REC8: variants seen among roughly 807,000 people sequenced by gnomAD.
REC8 encodes REC8 meiotic recombination protein.
REC8 carries 42 observed loss-of-function variants against 78.3 expected under a neutral mutation model. The observed-to-expected ratio is 0.54, with a 90% confidence interval of 0.42 to 0.69. The LOEUF (loss-of-function observed/expected upper bound fraction) is 0.69, where lower values mean the gene tolerates loss of function less well. REC8 is among the 30% of genes least tolerant of loss of function. REC8 has a pLI of 0.00. For missense variants in REC8, 581 were observed against 715.8 expected (o/e 0.81, Z 2.15); for synonymous variants, 268 against 274.1 (o/e 0.98, Z 0.22).
At chr14:24,175,736 T>C in intron 6 of REC8, 112 bp downstream of exon 6, 1 of 730,124 alleles carries the variant, frequency 1.4e-6, no homozygotes, top group Non-Finnish European at 2.3e-6. Flanking sequence ...CTTTTTTTTT[T>C]TTTCGAGGCA....
At position 24,172,437 on chromosome 14, in the gene REC8, G is replaced by C. The variant is rs2038708481; in HGVS notation, c.-116G>C. The stretch of plus-strand genomic sequence containing the variant: ...TCTAGGTGCACCCACCTTGCCACCA[G>C]AGAAGTCCAAATCCTGACTTCTCTC... On this transcript the variant is annotated 5_prime_UTR_variant, in exon 1 of 19. Coordinates refer to ENST00000611366, the MANE Select transcript of REC8 (RefSeq NM_001048205.2). 1 of 1,132,190 alleles carries C rather than the reference G, an allele frequency of 8.8e-7. No homozygotes were observed. Among genetic ancestry groups the C allele is most frequent in the Admixed American group, 2.7e-5 (1 of 37,300 alleles). 70.1% of individuals were successfully genotyped at this position (1,132,190 alleles called of 1,614,324 possible).
At chr14:24,180,264 C>A (rs1206666886), downstream of REC8, 6 of 1,543,846 alleles carry the variant, frequency 3.9e-6, no homozygotes, top group East Asian at 2.4e-5. Context: ...AGTATGATGT[C>A]ATGACTCATT....
chr14:24,178,488 A>T, intron 12 of REC8, 118 bp from the exon 13 acceptor site: 1 of 1,092,944 alleles, frequency 9.1e-7, no homozygotes, highest in Non-Finnish European at 1.3e-6. Flanking sequence ...AGGCAGGGTC[A>T]TGAGCGCAAA....
chr14:24,177,855 G>T (rs1451015767), intron 11 of REC8, 97 bp downstream of exon 11: 3 of 1,480,028 alleles, frequency 2.0e-6, no homozygotes, highest in African/African-American at 1.4e-5. Flanking sequence ...GCTTACAGGG[G>T]TCCTTAATGC....
Position 24,172,743 on chromosome 14 carries a change from G to A in REC8, c.87G>A (p.Val29=). 4 of 1,614,236 alleles carry A rather than the reference G, an allele frequency of 2.5e-6. No individual in the cohort carries two copies. Among genetic ancestry groups the A allele is most frequent in the Non-Finnish European group, 3.4e-6 (4 of 1,180,032 alleles). The change falls in exon 2 of 19, where the codon GTG becomes GTA. Residue 29 remains valine, a synonymous_variant. Coordinates refer to ENST00000611366, the MANE Select transcript of REC8 (RefSeq NM_001048205.2). ...CGGCGACTCGCGGCAGCCGGTTGGT[G>A]AAGCGCGAATACCTGAGGGTGAATG... ...WLAATRGSRL[V]KREYLRVNVV...
rs558812714 is a variant in REC8, at chr14:24,172,660, G to A, written c.56+52G>A. On this transcript the variant is annotated intron_variant, in intron 1 of 18. Coordinates refer to ENST00000611366, the MANE Select transcript of REC8 (RefSeq NM_001048205.2). ...ATGGCGGACGCTGCCCGGGATCCCAGCCTGACAGCTCCCCCTCCATCCCCA... is the reference window on the plus strand; with the variant it reads ...ATGGCGGACGCTGCCCGGGATCCCAACCTGACAGCTCCCCCTCCATCCCCA... 1.1e-4 allele frequency: 174 copies of A among 1,613,390 alleles called. 2 individuals are homozygous for A. In the South Asian group the frequency reaches 1.8e-3, roughly 16 times the overall value.
At position 24,178,085 on chromosome 14, in the gene REC8, C is replaced by A; in HGVS notation, c.865-6C>A. The stretch of plus-strand genomic sequence containing the variant: ...CTTGCCCCTACCTGCCCTCCCCACT[C>A]AACAGAGGAGGCCCCCAGTCCCCCC... On this transcript the variant is annotated splice_region_variant and splice_polypyrimidine_tract_variant and intron_variant, in intron 11 of 18. Transcript: ENST00000611366. The A allele has an allele frequency of 6.2e-7, 1 of 1,612,326 alleles. No homozygotes were observed. The highest frequency in any genetic ancestry group is 8.5e-7 in the Non-Finnish European group (1 of 1,178,954).
At chr14:24,177,640 A>G in intron 10 of REC8, 69 bp from the exon 11 acceptor site, 1 of 1,577,652 alleles carries the variant, frequency 6.3e-7, no homozygotes, top group Non-Finnish European at 8.6e-7. Context: ...AGGACCCTGC[A>G]GTTTCTTGCC....
chr14:24,174,916 C>T (rs1031016139), intron 5 of REC8, among the ~76,000 whole-genome samples: 1 of 151,976 alleles, frequency 6.6e-6, no homozygotes, highest in African/African-American at 2.4e-5. Flanking sequence ...TGTCTCCCCA[C>T]TAGACTTCCT....
At chr14:24,175,733 T>C (rs2038865894) in intron 6 of REC8, 109 bp downstream of exon 6, 1 of 754,348 alleles carries the variant, frequency 1.3e-6, no homozygotes, top group East Asian at 2.7e-5. Flanking sequence ...GCGCTTTTTT[T>C]TTTTTTCGAG....
downstream of REC8, chr14:24,180,616 C>T (rs757724019): frequency 2.2e-5 from 35 of 1,611,492 alleles, no homozygotes; most frequent in South Asian, 3.0e-4. Context: ...CCTAAAGCCT[C>T]GCTGCCCCAG....
chr14:24,175,814 C>T (rs550508912), intron 6 of REC8, among the ~76,000 whole-genome samples, 190 bp downstream of exon 6: 15 of 152,008 alleles, frequency 9.9e-5, no homozygotes, highest in Non-Finnish European at 1.5e-4. Context: ...GCAATTGTCC[C>T]GCCTCAGCCT....
chr14:24,176,540 C>T (rs544082999), intron 6 of REC8, among the ~76,000 whole-genome samples: 24 of 151,688 alleles, frequency 1.6e-4, no homozygotes, highest in African/African-American at 2.2e-4. Context: ...GACAGGGTCT[C>T]GCTATGTTGC....
At chr14:24,176,424 G>A (rs181563380) in intron 6 of REC8, among the ~76,000 whole-genome samples, 61 of 147,342 alleles carry the variant, frequency 4.1e-4, no homozygotes, top group Non-Finnish European at 3.3e-4. Context: ...GGTCACTGCA[G>A]CCTTGACCTC....
chr14:24,180,576 G>A (rs2039116610), downstream of REC8: 1 of 1,613,390 alleles, frequency 6.2e-7, no homozygotes, highest in African/African-American at 1.3e-5. Flanking sequence ...TTGGTGTCTG[G>A]GTGGAGAGGG....
chr14:24,178,294 C>A, intron 12 of REC8, 72 bp downstream of exon 12: 1 of 1,351,922 alleles, frequency 7.4e-7, no homozygotes, highest in Non-Finnish European at 1.0e-6. Context: ...CAGGCTGAGC[C>A]TTCCAAACTC....
rs370759703 is a variant in REC8 at position 24,179,852 on chromosome 14, G to A, written c.1504G>A (p.Val502Met). The stretch of plus-strand genomic sequence containing the variant: ...CAGGGAGCCCGACTTCAGCAGCCTG[G>A]TGTCACCTCTCAGCCCCCGCAGGAT... Reference protein sequence around the residue: ...ANREPDFSSLVSPLSPRRMAA... With the variant: ...ANREPDFSSLMSPLSPRRMAA... The change falls in exon 18 of 19, where the codon GTG becomes ATG. Residue 502 changes from valine (V) to methionine (M), a missense_variant. Transcript: ENST00000611366. The A allele has an allele frequency of 1.2e-5, 20 of 1,613,606 alleles. No homozygotes were observed. In the South Asian group the frequency reaches 1.9e-4, roughly 15 times the overall value.
chr14:24,180,389 G>A (rs1195074828), downstream of REC8: 2 of 1,578,460 alleles, frequency 1.3e-6, no homozygotes, highest in Admixed American at 1.8e-5. Context: ...CTGAGAGGTG[G>A]TCTTAAGGCC....
At chr14:24,177,071 C>T (rs2038928991) in intron 7 of REC8, 70 bp from the exon 8 acceptor site, 2 of 1,482,256 alleles carry the variant, frequency 1.3e-6, no homozygotes, top group Admixed American at 3.4e-5. Context: ...GGGATCCACT[C>T]TCCTGGATCC....
Sources: gnomAD v4.1 joint callset for allele counts (sites outside exome capture counted in the v4.1 genomes callset) on GRCh38, gnomAD v4.1.1 for gene constraint, MANE v1.5 for transcripts, NCBI Gene and HGNC (gene_info 2026-07-23, HGNC 2026-07-21) for gene names.